Variants in OCLN observed in about 807,000 individuals in gnomAD.
The protein encoded by OCLN is occludin.
In OCLN, 21 loss-of-function variants were observed where a neutral mutation model predicts 47.9. The observed-to-expected ratio is 0.44, with a 90% confidence interval of 0.31 to 0.63. OCLN has a LOEUF of 0.63. Ranked by LOEUF, OCLN falls within the 30% of genes least tolerant of loss-of-function variation. The pLI is 0.08. For synonymous variants in OCLN, 117 were observed against 198.4 expected (o/e 0.59, Z 3.45); for missense variants, 360 against 571.0 (o/e 0.63, Z 3.77).
chr5:69,511,597 G>A (rs1314456328), intron 3 of OCLN, among the ~76,000 whole-genome samples: 3 of 151,932 alleles, frequency 2.0e-5, no homozygotes, highest in Non-Finnish European at 4.4e-5. Context: ...AAAATTTTTT[G>A]TAGAGACAGG....
chr5:69,528,277 G>C (rs571326863), intron 4 of OCLN, among the ~76,000 whole-genome samples: 3 of 152,142 alleles, frequency 2.0e-5, no homozygotes, highest in Non-Finnish European at 4.4e-5. Context: ...TGTAAACCTG[G>C]AGATGATCCT....
intron 7 of OCLN, among the ~76,000 whole-genome samples, chr5:69,550,541 G>A (rs1769839655): frequency 6.8e-6 from 1 of 147,786 alleles, no homozygotes; most frequent in South Asian, 2.2e-4. Flanking sequence ...CTGAGAGTCA[G>A]AGGGTACGTA....
intron 4 of OCLN, among the ~76,000 whole-genome samples, chr5:69,522,001 G>C (rs948352235): frequency 1.3e-5 from 2 of 151,990 alleles, no homozygotes; most frequent in Non-Finnish European, 2.9e-5. Flanking sequence ...TGTCTACAGT[G>C]TTTTTTTGTT....
intron 4 of OCLN, among the ~76,000 whole-genome samples, chr5:69,518,764 A>G (rs1769045891): frequency 6.6e-6 from 1 of 152,240 alleles, no homozygotes; most frequent in African/African-American, 2.4e-5. Flanking sequence ...ATCTAGAATT[A>G]ACTACTTGCA....
At chr5:69,526,954 A>T (rs1301224188) in intron 4 of OCLN, among the ~76,000 whole-genome samples, 8 of 152,196 alleles carry the variant, frequency 5.3e-5, no homozygotes, top group Admixed American at 6.5e-5. Context: ...TAACATTTAA[A>T]TGTATTACAA....
chr5:69,522,272 T>G (rs1345042896), intron 4 of OCLN, among the ~76,000 whole-genome samples: 1 of 152,228 alleles, frequency 6.6e-6, no homozygotes, highest in Non-Finnish European at 1.5e-5. Context: ...AAGTTTTATT[T>G]TTTTTACCCC....
intron 3 of OCLN, among the ~76,000 whole-genome samples, chr5:69,512,230 T>G (rs1057352596): frequency 1.3e-5 from 2 of 152,200 alleles, no homozygotes; most frequent in Non-Finnish European, 2.9e-5. Context: ...CATGTTGTGT[T>G]AATTTTGGGC....
chr5:69,498,828 C>T (rs1020200861), intron 1 of OCLN, among the ~76,000 whole-genome samples: 3 of 151,892 alleles, frequency 2.0e-5, no homozygotes, highest in African/African-American at 7.3e-5. Context: ...TACAGGCACC[C>T]GGCACAATCC....
intron 1 of OCLN, among the ~76,000 whole-genome samples, chr5:69,499,224 C>A (rs1768388672): frequency 6.6e-6 from 1 of 152,060 alleles, no homozygotes. Context: ...GGATGTGCCA[C>A]CATGCCTGGC....
At position 69,493,848 on chromosome 5, in the gene OCLN, C is replaced by G. The variant is rs28469160; in HGVS notation, c.-69+948C>G. On this transcript the variant is annotated intron_variant, in intron 1 of 8. Coordinates refer to ENST00000396442, the MANE Select transcript of OCLN (RefSeq NM_001205254.2). This position sits in a 1 kb window ranked among gnomAD's most constrained non-coding sequence, Gnocchi z 5.3. ...TCGAGGGCCAAGATGGCCTCTGCGC[C>G]TAGGGGTTGGGAGCGGCGCCGAGCC... is the stretch of plus-strand genomic sequence containing the variant. 0.093 allele frequency among the ~76,000 whole-genome samples: 14,138 copies of G among 152,220 alleles called. 1,956 individuals carry two copies. Among genetic ancestry groups the G allele is most frequent in the African/African-American group, 0.3 (12,390 of 41,518 alleles).
chr5:69,496,861 T>A (rs766868342), intron 1 of OCLN, among the ~76,000 whole-genome samples: 2 of 152,182 alleles, frequency 1.3e-5, no homozygotes, highest in Non-Finnish European at 2.9e-5. Context: ...CTGCTTCCCT[T>A]TTGCCCCCGA....
At chr5:69,513,604 G>T (rs534892467) in intron 3 of OCLN, among the ~76,000 whole-genome samples, 1 of 152,104 alleles carries the variant, frequency 6.6e-6, no homozygotes, top group Non-Finnish European at 1.5e-5. Context: ...GGCCATTCTC[G>T]TAGGTGCACA....
At chr5:69,533,092 CACACACACACACACACATATATATAT>C (rs1402359588) in intron 4 of OCLN, among the ~76,000 whole-genome samples, 2,198 of 139,508 alleles carry the variant, frequency 0.016, 52 homozygotes, top group African/African-American at 0.062. Flanking sequence ...TATATATACA[CACACACACACACACACATATATATAT>C]ACACACACAC....
intron 4 of OCLN, among the ~76,000 whole-genome samples, chr5:69,522,454 T>A (rs1051950631): frequency 7.9e-5 from 12 of 152,186 alleles, no homozygotes; most frequent in African/African-American, 2.7e-4. Flanking sequence ...CATATTTTTT[T>A]AAACAGCTTT....
rs527399600 is a variant in OCLN at position 69,519,107 on chromosome 5, C to T, written c.891+4998C>T. On this transcript the variant is annotated intron_variant, in intron 4 of 8. Transcript: ENST00000396442. ...GAGGCATGATCTCGCCACTGCACTCCAGCCTGGGTGACAGAGTGAGACCCT... is the reference window on the plus strand; with the variant it reads ...GAGGCATGATCTCGCCACTGCACTCTAGCCTGGGTGACAGAGTGAGACCCT... 1.5e-4 allele frequency among the ~76,000 whole-genome samples: 23 copies of T among 152,268 alleles called. No individual in the cohort carries two copies. The South Asian group carries it at 4.8e-3, about 32-fold the overall frequency.
intron 1 of OCLN, among the ~76,000 whole-genome samples, chr5:69,503,613 T>C (rs192637474): frequency 1.6e-4 from 25 of 152,326 alleles, no homozygotes; most frequent in African/African-American, 5.8e-4. Flanking sequence ...TTTAGGAACT[T>C]GTGCTGAAGA....
chr5:69,547,272 G>C (rs1769735096), intron 6 of OCLN, among the ~76,000 whole-genome samples: 1 of 143,596 alleles, frequency 7.0e-6, no homozygotes, highest in Non-Finnish European at 1.5e-5. Context: ...CAGAATTCCA[G>C]TTTTAAGACT....
intron 4 of OCLN, among the ~76,000 whole-genome samples, chr5:69,529,368 T>A (rs979758017): frequency 9.2e-5 from 14 of 152,228 alleles, no homozygotes; most frequent in African/African-American, 3.4e-4. Context: ...AGAACACTTC[T>A]AATGAGTACA....
intron 4 of OCLN, among the ~76,000 whole-genome samples, chr5:69,519,294 C>T (rs1464551635): frequency 6.6e-6 from 1 of 152,180 alleles, no homozygotes; most frequent in African/African-American, 2.4e-5. Context: ...TTATAACACG[C>T]CTCCTGCCCT....
Sources: allele counts gnomAD v4.1 joint callset (sites outside exome capture counted in the v4.1 genomes callset), GRCh38; gene constraint gnomAD v4.1.1; non-coding constraint Gnocchi (gnomAD v3.1); transcripts MANE v1.5; gene names NCBI Gene and HGNC (gene_info 2026-07-23, HGNC 2026-07-21).